The following IPCEF1 variants were observed in gnomAD, a reference collection of about 807,000 sequenced individuals.
The protein encoded by IPCEF1 is interaction protein for cytohesin exchange factors 1.
IPCEF1 carries 31 observed loss-of-function variants against 50.9 expected under a neutral mutation model. The ratio of observed to expected loss-of-function variants is 0.61; its 90% CI spans 0.46 to 0.82. The LOEUF is 0.82. Ranked by LOEUF, IPCEF1 falls within the 40% of genes least tolerant of loss-of-function variation. IPCEF1 has a pLI of 0.00. For missense variants in IPCEF1, 458 were observed against 514.0 expected (o/e 0.89, Z 1.05); for synonymous variants, 181 against 192.0 (o/e 0.94, Z 0.47).
chr6:154,230,665 C>T (rs923132900), intron 5 of IPCEF1, among the ~76,000 whole-genome samples: 8 of 152,046 alleles, frequency 5.3e-5, no homozygotes, highest in East Asian at 1.9e-4. Flanking sequence ...TCATGTAGTT[C>T]CTGGTTAAAA....
At chr6:154,342,185 A>G (rs1438872739) in intron 1 of IPCEF1, among the ~76,000 whole-genome samples, 1 of 152,146 alleles carries the variant, frequency 6.6e-6, no homozygotes, top group Non-Finnish European at 1.5e-5. Flanking sequence ...CTGCAGTCTA[A>G]GTCTAGCTCC....
At chr6:154,296,898 C>A (rs1381342113) in intron 1 of IPCEF1, among the ~76,000 whole-genome samples, 1 of 150,790 alleles carries the variant, frequency 6.6e-6, no homozygotes, top group Admixed American at 6.6e-5. Context: ...AGACAAAGAA[C>A]ATTAAAGTGA....
At chr6:154,207,059 G>GGA (rs541428058) in intron 9 of IPCEF1, among the ~76,000 whole-genome samples, 1 of 152,146 alleles carries the variant, frequency 6.6e-6, no homozygotes, top group Admixed American at 6.5e-5. Flanking sequence ...GTTTTTAGGA[G>GGA]GAGAGAGAGA....
intron 1 of IPCEF1, among the ~76,000 whole-genome samples, chr6:154,338,550 G>C (rs1783837740): frequency 6.6e-6 from 1 of 152,170 alleles, no homozygotes; most frequent in South Asian, 2.1e-4. Flanking sequence ...ACAGTCAGAT[G>C]CTTCTAACTA....
chr6:154,246,790 T>C, intron 4 of IPCEF1, 30 bp from the exon 5 acceptor site: 1 of 1,605,926 alleles, frequency 6.2e-7, no homozygotes, highest in Non-Finnish European at 8.5e-7. Context: ...AGGTAGATAA[T>C]GTATTACCCT....
chr6:154,337,540 G>A (rs1257101057), intron 1 of IPCEF1, among the ~76,000 whole-genome samples: 1 of 152,164 alleles, frequency 6.6e-6, no homozygotes, highest in Non-Finnish European at 1.5e-5. Context: ...CAAGTTACAG[G>A]GTAGGCAAAG....
chr6:154,340,624 G>T (rs9397705), intron 1 of IPCEF1, among the ~76,000 whole-genome samples: 42,959 of 151,102 alleles, frequency 0.28, 7,069 homozygotes, highest in East Asian at 0.64. Context: ...GGTGACTCAC[G>T]CCTGTAATCC....
chr6:154,268,728 C>T (rs1055292927), intron 2 of IPCEF1, among the ~76,000 whole-genome samples: 3 of 151,774 alleles, frequency 2.0e-5, no homozygotes, highest in Non-Finnish European at 4.4e-5. Context: ...GTTTCCGTAT[C>T]TGTTTCTATC....
intron 2 of IPCEF1, among the ~76,000 whole-genome samples, chr6:154,276,290 AAAG>A (rs1782060593): frequency 8.3e-6 from 1 of 120,192 alleles, no homozygotes; most frequent in Non-Finnish European, 1.9e-5. Context: ...AAAGAAAAAA[AAAG>A]AAAAGAAAAG....
chr6:154,193,879 A>AAAG (rs1399275797), intron 10 of IPCEF1, among the ~76,000 whole-genome samples: 2 of 152,218 alleles, frequency 1.3e-5, no homozygotes, highest in Non-Finnish European at 2.9e-5. Flanking sequence ...ATACAGACAA[A>AAAG]AAGTGCTCAA....
chr6:154,162,167 G>GC (rs1799080028), intron 11 of IPCEF1, among the ~76,000 whole-genome samples: 1 of 152,124 alleles, frequency 6.6e-6, no homozygotes, highest in African/African-American at 2.4e-5. Context: ...GGGCACAATG[G>GC]CCCCCGCTCT....
chr6:154,332,485 G>A (rs1783696112), intron 1 of IPCEF1, among the ~76,000 whole-genome samples: 1 of 152,096 alleles, frequency 6.6e-6, no homozygotes, highest in South Asian at 2.1e-4. Context: ...GTCTATATGT[G>A]AAGATGCTAT....
At chr6:154,294,592 G>A (rs1467514255) in intron 1 of IPCEF1, among the ~76,000 whole-genome samples, 2 of 152,140 alleles carry the variant, frequency 1.3e-5, no homozygotes, top group Non-Finnish European at 2.9e-5. Flanking sequence ...TTTGCAGAGC[G>A]GAGGATTCTG....
chr6:154,291,260 A>G (rs1343207112), intron 1 of IPCEF1, among the ~76,000 whole-genome samples: 1 of 152,226 alleles, frequency 6.6e-6, no homozygotes, highest in Admixed American at 6.5e-5. Flanking sequence ...ATTTATAAAA[A>G]CACAGATTTT....
chr6:154,170,734 C>T (rs1799805754), intron 10 of IPCEF1, among the ~76,000 whole-genome samples: 1 of 152,146 alleles, frequency 6.6e-6, no homozygotes, highest in Non-Finnish European at 1.5e-5. Flanking sequence ...AAGCCAAAAC[C>T]ATCATGAGAT....
chr6:154,350,681 C>T (rs147041422), intron 1 of IPCEF1, among the ~76,000 whole-genome samples: 4 of 152,114 alleles, frequency 2.6e-5, no homozygotes, highest in East Asian at 1.9e-4. Context: ...TAAGTATATA[C>T]GCTTACTTTC....
At chr6:154,278,143 T>G (rs770018956) in intron 2 of IPCEF1, among the ~76,000 whole-genome samples, 1 of 152,262 alleles carries the variant, frequency 6.6e-6, no homozygotes, top group Non-Finnish European at 1.5e-5. Flanking sequence ...TTGAAATTAT[T>G]ATTTTTAAAC....
intron 5 of IPCEF1, among the ~76,000 whole-genome samples, chr6:154,230,161 C>T (rs1286085980): frequency 6.6e-6 from 1 of 151,976 alleles, no homozygotes; most frequent in East Asian, 1.9e-4. Context: ...GGTAAATCTA[C>T]CAAAAATGAA....
chr6:154,249,724 G>C (rs562723350), intron 3 of IPCEF1, among the ~76,000 whole-genome samples: 20 of 152,102 alleles, frequency 1.3e-4, no homozygotes, highest in African/African-American at 3.6e-4. Context: ...CCCATTCCTT[G>C]TGAGCACCCA....
Sources: gnomAD v4.1 joint callset for allele counts (sites outside exome capture counted in the v4.1 genomes callset) on GRCh38, gnomAD v4.1.1 for gene constraint, MANE v1.5 for transcripts, NCBI Gene and HGNC (gene_info 2026-07-23, HGNC 2026-07-21) for gene names.